The following CNRIP1 variants were observed in gnomAD, a reference collection of about 807,000 sequenced individuals.
CNRIP1 encodes the protein CB1 cannabinoid receptor-interacting protein 1.
In CNRIP1, 10 loss-of-function variants were observed where a neutral mutation model predicts 15.2. The observed-to-expected ratio is 0.66, with a 90% CI of 0.41 to 1.12. The LOEUF (loss-of-function observed/expected upper bound fraction) is 1.12, where lower values mean the gene tolerates loss of function less well. CNRIP1 is among the 50% of genes most tolerant of loss of function. The pLI is 0.00. For missense variants in CNRIP1, 211 were observed against 214.7 expected (o/e 0.98, Z 0.11); for synonymous variants, 91 against 83.2 (o/e 1.09, Z -0.51).
In CNRIP1 at chr2:68,319,320, C is replaced by T. The variant is rs1259286486; in HGVS notation, c.81G>A (p.Val27=). 1.9e-6 allele frequency: 3 copies of T among 1,563,906 alleles called. No individual in the cohort carries two copies. Among genetic ancestry groups the T allele is most frequent in the Non-Finnish European group, 2.6e-6 (3 of 1,153,948 alleles). Residue 27 remains valine, a synonymous_variant, in exon 1 of 3, where the codon GTG becomes GTA. Coordinates refer to ENST00000263655, the MANE Select transcript of CNRIP1 (RefSeq NM_015463.3). The part of the protein sequence containing the change: ...QPNDGPVFYK[V]DGQRFGQNRT... ...GGTTCTGGCCGAAGCGCTGCCCGTC[C>T]ACCTTGTAAAAGACCGGGCCGTCAT...
intron 2 of CNRIP1, among the ~76,000 whole-genome samples, chr2:68,297,435 G>T (rs1671411834): frequency 6.6e-6 from 1 of 151,934 alleles, no homozygotes; most frequent in African/African-American, 2.4e-5. Flanking sequence ...GGGCATGGGA[G>T]TGTGTGTCTG....
intron 2 of CNRIP1, among the ~76,000 whole-genome samples, chr2:68,294,377 C>T (rs1488739489): frequency 1.3e-5 from 2 of 152,156 alleles, no homozygotes; most frequent in East Asian, 3.8e-4. Flanking sequence ...TCTAAAATGG[C>T]CCCTGCTGGC....
rs1671626660 is a variant in CNRIP1, at chr2:68,301,937, T to C, written c.331-7911A>G. 2.3e-5 allele frequency among the ~76,000 whole-genome samples: 3 copies of C among 132,642 alleles called. No homozygotes were observed. The South Asian group carries it at 7.7e-4, about 34-fold the overall frequency. The allele number at this position is 132,642 out of a possible 152,430, so 87.0% of individuals were successfully genotyped here. ...AAAAATACTAAGCAACCTTAACAAA[T>C]AGCCAGTAGAATAAGTGAATTTAGC... is the stretch of plus-strand genomic sequence containing the variant. On this transcript the variant is annotated intron_variant, in intron 2 of 2. Transcript: ENST00000263655.
At chr2:68,291,706 C>A (rs1047329795), downstream of CNRIP1, among the ~76,000 whole-genome samples, 11 of 151,940 alleles carry the variant, frequency 7.2e-5, no homozygotes, top group African/African-American at 2.7e-4. Flanking sequence ...TGGTGAAACC[C>A]CATCTCTACT....
At chr2:68,306,476 A>G (rs1366156826) in intron 2 of CNRIP1, among the ~76,000 whole-genome samples, 1 of 152,136 alleles carries the variant, frequency 6.6e-6, no homozygotes, top group Non-Finnish European at 1.5e-5. Context: ...TAGCTCTATC[A>G]TGGTATAAAG....
chr2:68,317,617 T>C (rs192883484), intron 1 of CNRIP1, among the ~76,000 whole-genome samples: 1 of 152,328 alleles, frequency 6.6e-6, no homozygotes, highest in East Asian at 1.9e-4. Flanking sequence ...ACTCGTCCTC[T>C]AATATTTTTT....
downstream of CNRIP1, among the ~76,000 whole-genome samples, chr2:68,289,692 G>C (rs1236094557): frequency 1.3e-5 from 2 of 152,104 alleles, no homozygotes; most frequent in African/African-American, 4.8e-5. Flanking sequence ...TGTTGCCTAG[G>C]CTGGTCTCAA....
At chr2:68,295,792 T>C (rs111925402) in intron 2 of CNRIP1, among the ~76,000 whole-genome samples, 14,819 of 152,166 alleles carry the variant, frequency 0.097, 1,261 homozygotes, top group African/African-American at 0.23. Flanking sequence ...ATGGAAGCAT[T>C]CTGTATCTTG....
downstream of CNRIP1, among the ~76,000 whole-genome samples, chr2:68,288,774 C>T (rs775998105): frequency 6.6e-6 from 1 of 152,022 alleles, no homozygotes; most frequent in Non-Finnish European, 1.5e-5. Context: ...AGGCTGCAAA[C>T]AAATTAAGGC....
At chr2:68,317,989 G>C (rs1420880505) in intron 1 of CNRIP1, among the ~76,000 whole-genome samples, 1 of 149,826 alleles carries the variant, frequency 6.7e-6, no homozygotes, top group African/African-American at 2.5e-5. Flanking sequence ...TTTTAGATTA[G>C]TTTGAACACT....
intron 2 of CNRIP1, among the ~76,000 whole-genome samples, chr2:68,314,517 T>C (rs1350108083): frequency 2.6e-5 from 4 of 151,890 alleles, no homozygotes; most frequent in Non-Finnish European, 5.9e-5. Flanking sequence ...CTAGAAACAT[T>C]AGACAATGCA....
At chr2:68,286,342 ACACT>A (rs148640374) in intron 2 of CNRIP1, among the ~76,000 whole-genome samples, 4 of 144,316 alleles carry the variant, frequency 2.8e-5, no homozygotes, top group African/African-American at 1.0e-4. Context: ...ACACACACAC[ACACT>A]CATATACACA....
intron 2 of CNRIP1, among the ~76,000 whole-genome samples, chr2:68,296,794 C>T (rs182535742): frequency 4.6e-5 from 7 of 152,194 alleles, no homozygotes; most frequent in South Asian, 4.1e-4. Context: ...TGTGCCACTA[C>T]GCCTGGCTAA....
chr2:68,285,736 T>C (rs1169190041), intron 2 of CNRIP1, among the ~76,000 whole-genome samples: 1 of 150,992 alleles, frequency 6.6e-6, no homozygotes, highest in Non-Finnish European at 1.5e-5. Flanking sequence ...CCACCAGAGG[T>C]ATGTGTGCAT....
chr2:68,297,615 C>T lies in CNRIP1; in HGVS notation c.331-3589G>A, dbSNP rs990841778. Among the ~76,000 whole-genome samples, 78 of 117,574 alleles carry T rather than the reference C, an allele frequency of 6.6e-4. 2 individuals are homozygous for T. The highest frequency in any genetic ancestry group is 2.3e-4 in the Non-Finnish European group (12 of 53,234). 77.1% of individuals were successfully genotyped at this position (117,574 alleles called of 152,430 possible). A position where few individuals can be genotyped will look rare whatever the true frequency, so the allele number is the denominator to read the frequency against. ...AAAAAAAAAAGGAAAAAATGACTAA[C>T]ACCTGCAAAAATATTCAAATGTAAT... On this transcript the variant is annotated intron_variant, in intron 2 of 2. Transcript: ENST00000263655.
intron 2 of CNRIP1, among the ~76,000 whole-genome samples, chr2:68,306,390 T>C (rs191436303): frequency 1.4e-4 from 22 of 152,100 alleles, no homozygotes; most frequent in Admixed American, 1.2e-3. Context: ...TGTGTGATCC[T>C]AGACATATCT....
At chr2:68,286,178 T>C (rs1439831549) in intron 2 of CNRIP1, among the ~76,000 whole-genome samples, 1 of 152,188 alleles carries the variant, frequency 6.6e-6, no homozygotes, top group Non-Finnish European at 1.5e-5. Context: ...ACCATACCCA[T>C]TATTTTTCGA....
At chr2:68,295,018 G>C (rs1033082452) in intron 2 of CNRIP1, among the ~76,000 whole-genome samples, 3 of 152,188 alleles carry the variant, frequency 2.0e-5, no homozygotes, top group Non-Finnish European at 2.9e-5. Context: ...CTGTGGGGTA[G>C]CCTGACCCTG....
chr2:68,305,274 ATGTGTGTGTGTGTGTGTGTGTGTG>A lies in CNRIP1; in HGVS notation c.331-11272_331-11249del, dbSNP rs10601379. 5.8e-5 allele frequency among the ~76,000 whole-genome samples: 7 copies of A among 120,640 alleles called. No homozygotes were observed. The East Asian group carries it at 1.3e-3, about 23-fold the overall frequency. The allele number at this position is 120,640 out of a possible 152,430, so 79.1% of individuals were successfully genotyped here. On this transcript the variant is annotated intron_variant, in intron 2 of 2. Coordinates refer to ENST00000263655, the MANE Select transcript of CNRIP1 (RefSeq NM_015463.3). ...AAAAAAAAAAAATATATATATATAT[ATGTGTGTGTGTGTGTGTGTGTGTG>A]TGTGTGTGTGTGTGTACATATAAAA...
Sources: gnomAD v4.1 joint callset for allele counts (sites outside exome capture counted in the v4.1 genomes callset) on GRCh38, gnomAD v4.1.1 for gene constraint, MANE v1.5 for transcripts, NCBI Gene and HGNC (gene_info 2026-07-23, HGNC 2026-07-21) for gene names.